The following RBFOX1 variants were observed in gnomAD, a reference collection of about 807,000 sequenced individuals.
RBFOX1 encodes RNA binding fox-1 homolog 1, also known as RNA binding protein fox-1 homolog 1.
In RBFOX1, 8 loss-of-function variants were observed where a neutral mutation model predicts 57.7. That is an observed-to-expected ratio of 0.14 (90% confidence interval 0.08 to 0.25). The LOEUF is 0.25. Ranked by LOEUF, RBFOX1 falls within the 10% of genes least tolerant of loss-of-function variation. The pLI is 1.00. For missense variants in RBFOX1, 611 were observed against 548.5 expected (o/e 1.11, Z -1.14); for synonymous variants, 326 against 222.4 (o/e 1.47, Z -4.15).
At chr16:7,476,829 G>A (rs1287504604) in intron 4 of RBFOX1, among the ~76,000 whole-genome samples, 1 of 152,156 alleles carries the variant, frequency 6.6e-6, no homozygotes, top group Non-Finnish European at 1.5e-5. Context: ...CATATAAATT[G>A]CATTGAATGG....
intron 4 of RBFOX1, among the ~76,000 whole-genome samples, chr16:6,002,528 G>A (rs914452702): frequency 6.6e-6 from 1 of 152,150 alleles, no homozygotes; most frequent in Non-Finnish European, 1.5e-5. Context: ...TTGAATGAAA[G>A]GTTGAAGTAG....
chr16:7,331,147 G>T (rs192434086), intron 4 of RBFOX1, among the ~76,000 whole-genome samples: 8 of 152,282 alleles, frequency 5.3e-5, no homozygotes. Flanking sequence ...CAATTATGCA[G>T]CTAAATCAAG....
chr16:6,760,004 G>A (rs556809003), intron 3 of RBFOX1, among the ~76,000 whole-genome samples: 36 of 152,272 alleles, frequency 2.4e-4, no homozygotes, highest in African/African-American at 7.2e-4. Flanking sequence ...GCCTTCAAGG[G>A]CATTAATAGT....
At chr16:7,217,197 C>T (rs924281735) in intron 4 of RBFOX1, among the ~76,000 whole-genome samples, 6 of 151,162 alleles carry the variant, frequency 4.0e-5, no homozygotes, top group East Asian at 1.9e-4. Context: ...CTCCGCCTTC[C>T]GGATTGAAGA....
intron 3 of RBFOX1, among the ~76,000 whole-genome samples, chr16:6,844,043 C>G (rs966960862): frequency 3.9e-5 from 6 of 151,946 alleles, no homozygotes; most frequent in East Asian, 1.9e-4. Flanking sequence ...CATTTTCTTT[C>G]TCTCTCTCTT....
At chr16:7,534,086 C>CT (rs529708813) in intron 5 of RBFOX1, among the ~76,000 whole-genome samples, 1,328 of 129,904 alleles carry the variant, frequency 0.01, 33 homozygotes, top group African/African-American at 0.02. Context: ...CGTTTTTTTT[C>CT]TTTTTTTTTT....
chr16:6,032,885 T>G lies in RBFOX1; in HGVS notation c.-127+12893T>G, dbSNP rs868215394. On this transcript the variant is annotated intron_variant, in intron 1 of 15. Coordinates refer to ENST00000550418, the MANE Select transcript of RBFOX1 (RefSeq NM_018723.4). ...CAAAATGCAAAACCTAGTGTAAGTT[T>G]TTTTTTTTTTTTTCCCTCTCTCCCA... 1.0e-3 allele frequency among the ~76,000 whole-genome samples: 149 copies of G among 148,298 alleles called. 4 individuals are homozygous for G. In the Middle Eastern group the frequency reaches 0.017, roughly 17 times the overall value.
At chr16:5,983,234 G>A (rs750935583) in intron 4 of RBFOX1, among the ~76,000 whole-genome samples, 1 of 152,220 alleles carries the variant, frequency 6.6e-6, no homozygotes, top group Non-Finnish European at 1.5e-5. Flanking sequence ...TCAGAAAGTG[G>A]CAGATCCATT....
chr16:6,779,220 A>G (rs1279296924), intron 3 of RBFOX1, among the ~76,000 whole-genome samples: 1 of 151,972 alleles, frequency 6.6e-6, no homozygotes, highest in African/African-American at 2.4e-5. Flanking sequence ...CTGTATCTCC[A>G]TGAGATCAAT....
At chr16:5,307,403 A>G (rs2063966392) in intron 1 of RBFOX1, among the ~76,000 whole-genome samples, 1 of 152,176 alleles carries the variant, frequency 6.6e-6, no homozygotes, top group East Asian at 1.9e-4. Flanking sequence ...TTTAAAAATA[A>G]TCACAAAGGA....
At chr16:6,469,284 C>G (rs558461334) in intron 2 of RBFOX1, among the ~76,000 whole-genome samples, 3 of 152,166 alleles carry the variant, frequency 2.0e-5, no homozygotes, top group Non-Finnish European at 4.4e-5. Flanking sequence ...TTGCCTCTCA[C>G]AAGCCAGTGA....
At chr16:7,693,413 A>G in intron 14 of RBFOX1, 1 of 1,002,720 alleles carries the variant, frequency 1.0e-6, no homozygotes, top group Non-Finnish European at 1.4e-6. Flanking sequence ...AAGTCTCAGT[A>G]TCCTTTTTTT....
At chr16:6,290,922 G>T (rs1375211070) in intron 1 of RBFOX1, among the ~76,000 whole-genome samples, 2 of 152,152 alleles carry the variant, frequency 1.3e-5, no homozygotes, top group African/African-American at 2.4e-5. Context: ...AGGAATAAAA[G>T]AATGGCTACT....
At chr16:5,344,862 C>T (rs983671938) in intron 1 of RBFOX1, among the ~76,000 whole-genome samples, 6 of 152,236 alleles carry the variant, frequency 3.9e-5, no homozygotes, top group Non-Finnish European at 7.3e-5. Flanking sequence ...CATGGATGAT[C>T]TGATGAAGGC....
chr16:6,944,953 A>G (rs2079206316), intron 3 of RBFOX1, among the ~76,000 whole-genome samples: 1 of 152,106 alleles, frequency 6.6e-6, no homozygotes, highest in Non-Finnish European at 1.5e-5. Context: ...AAAGTGGCTG[A>G]CTGCTGTATG....
intron 2 of RBFOX1, among the ~76,000 whole-genome samples, chr16:5,492,778 T>A (rs997553938): frequency 3.9e-5 from 6 of 152,226 alleles, no homozygotes; most frequent in Admixed American, 3.3e-4. Context: ...TGAAAGAAAG[T>A]CATGAATATC....
chr16:5,669,281 CTGTT>C (rs1157152800), intron 3 of RBFOX1, among the ~76,000 whole-genome samples: 2 of 152,050 alleles, frequency 1.3e-5, no homozygotes, highest in African/African-American at 2.4e-5. Context: ...GCTCCAAACT[CTGTT>C]TGACTATCTC....
chr16:6,444,586 T>A (rs2094448358), intron 2 of RBFOX1, among the ~76,000 whole-genome samples: 1 of 152,168 alleles, frequency 6.6e-6, no homozygotes, highest in African/African-American at 2.4e-5. Context: ...CCTTCTGCCA[T>A]GATTGTGAGG....
intron 4 of RBFOX1, among the ~76,000 whole-genome samples, chr16:7,053,645 T>C (rs1297408478): frequency 1.3e-5 from 2 of 152,214 alleles, no homozygotes; most frequent in Non-Finnish European, 2.9e-5. Context: ...TGTTTGCATT[T>C]TGAGGGATTA....
Sources: gnomAD v4.1 joint callset for allele counts (sites outside exome capture counted in the v4.1 genomes callset) on GRCh38, gnomAD v4.1.1 for gene constraint, MANE v1.5 for transcripts, NCBI Gene and HGNC (gene_info 2026-07-23, HGNC 2026-07-21) for gene names.